The following BRAF variants were observed in gnomAD, a reference collection of about 807,000 sequenced individuals.
The protein encoded by BRAF is B-Raf proto-oncogene, serine/threonine kinase.
In BRAF, 16 loss-of-function variants were observed where a neutral mutation model predicts 104.6. That is an observed-to-expected ratio of 0.15 (90% CI 0.10 to 0.23). The LOEUF (loss-of-function observed/expected upper bound fraction) is 0.23, where lower values mean the gene tolerates loss of function less well. BRAF is among the 10% of genes least tolerant of loss of function. The probability of loss-of-function intolerance (pLI) is 1.00; values close to 1 mark genes in which losing one functional copy is unlikely to be tolerated. For missense variants in BRAF, 541 were observed against 937.3 expected (o/e 0.58, Z 5.52); for synonymous variants, 310 against 341.6 (o/e 0.91, Z 1.02).
rs1424858467 is a variant in BRAF, at chr7:140,720,249, A to G, written c.*6245T>C. 1.9e-6 allele frequency: 2 copies of G among 1,062,776 alleles called. No homozygotes were observed. The highest frequency in any genetic ancestry group is 1.1e-4 in the Admixed American group (2 of 18,650). 65.8% of individuals were successfully genotyped at this position (1,062,776 alleles called of 1,614,324 possible). On this transcript the variant is annotated 3_prime_UTR_variant, in exon 20 of 20. Transcript: ENST00000644969. ...CCACAAATACATATCACTGTGATAC[A>G]GTCCTCAAAAATCAGGCGATATCAT... is the stretch of plus-strand genomic sequence containing the variant.
At chr7:140,818,376 G>C (rs748873412) in intron 3 of BRAF, among the ~76,000 whole-genome samples, 1 of 150,118 alleles carries the variant, frequency 6.7e-6, no homozygotes, top group Non-Finnish European at 1.5e-5. Flanking sequence ...GCAGTGGCAC[G>C]ATATTGGCTC....
chr7:140,866,188 T>C (rs1810946676), intron 1 of BRAF, among the ~76,000 whole-genome samples: 1 of 152,192 alleles, frequency 6.6e-6, no homozygotes, highest in Non-Finnish European at 1.5e-5. Context: ...ATAGATGTAG[T>C]GTAGGTTCAG....
intron 1 of BRAF, among the ~76,000 whole-genome samples, chr7:140,887,813 A>C (rs1199398967): frequency 6.6e-6 from 1 of 152,132 alleles, no homozygotes; most frequent in African/African-American, 2.4e-5. Flanking sequence ...TTTTGGGTTC[A>C]AGCAATCCTC....
In BRAF at chr7:140,724,146, C is replaced by T; in HGVS notation, c.*2348G>A. 9.5e-7 allele frequency: 1 copy of T among 1,054,122 alleles called. No homozygotes were observed. Among genetic ancestry groups the T allele is most frequent in the Non-Finnish European group, 1.1e-6 (1 of 872,224 alleles). The allele number at this position is 1,054,122 out of a possible 1,614,324, so 65.3% of individuals were successfully genotyped here. On this transcript the variant is annotated 3_prime_UTR_variant, in exon 20 of 20. Coordinates refer to ENST00000644969, the MANE Select transcript of BRAF (RefSeq NM_001374258.1). Reference sequence around the variant, plus strand: ...ATGCAAGGGAAGAAAAAGTGTATCACCCTGAATATTGTTTAAGAAACTGAA... The same window carrying T: ...ATGCAAGGGAAGAAAAAGTGTATCATCCTGAATATTGTTTAAGAAACTGAA...
chr7:140,723,069 T>C lies in BRAF; in HGVS notation c.*3425A>G. ...AAATAAATAACTATTCATTACCTCA[T>C]TCTGAAGAGGTAGTTTTTTGTAGAG... On this transcript the variant is annotated 3_prime_UTR_variant, in exon 20 of 20. Transcript: ENST00000644969. 1 of 1,051,308 alleles carries C rather than the reference T, an allele frequency of 9.5e-7. No individual in the cohort carries two copies. Among genetic ancestry groups the C allele is most frequent in the Non-Finnish European group, 1.1e-6 (1 of 870,532 alleles). 65.1% of individuals were successfully genotyped at this position (1,051,308 alleles called of 1,614,324 possible).
At chr7:140,758,937 C>G (rs116175980) in intron 14 of BRAF, among the ~76,000 whole-genome samples, 1 of 152,198 alleles carries the variant, frequency 6.6e-6, no homozygotes, top group African/African-American at 2.4e-5. Context: ...AGTAACACCC[C>G]CTTTAGGCTT....
intron 18 of BRAF, 75 bp from the exon 18 acceptor site, chr7:140,734,845 C>G (rs1467660982): frequency 1.5e-6 from 2 of 1,374,050 alleles, no homozygotes; most frequent in African/African-American, 1.7e-5. Context: ...AAAGAAAAAA[C>G]AGAAAGAAGA....
rs1267467077 is a variant in BRAF, at chr7:140,885,882, C to T, written c.139-35670G>A. ...GTATGTGGGAGTAAGAGTATTCCAG[C>T]CATAGTAAACAATCATCAGTGGCAT... On this transcript the variant is annotated intron_variant, in intron 1 of 19. Coordinates refer to ENST00000644969, the MANE Select transcript of BRAF (RefSeq NM_001374258.1). 2.0e-5 allele frequency among the ~76,000 whole-genome samples: 3 copies of T among 152,204 alleles called. No homozygotes were observed. The East Asian group carries it at 5.8e-4, about 29-fold the overall frequency.
At chr7:140,882,522 C>T (rs1002311905) in intron 1 of BRAF, among the ~76,000 whole-genome samples, 5 of 151,956 alleles carry the variant, frequency 3.3e-5, no homozygotes, top group Admixed American at 1.3e-4. Context: ...GGACTACAGG[C>T]GCACGCCACC....
intron 1 of BRAF, among the ~76,000 whole-genome samples, chr7:140,866,555 A>C (rs1398106074): frequency 6.6e-6 from 1 of 152,206 alleles, no homozygotes; most frequent in East Asian, 1.9e-4. Flanking sequence ...AAATATTAAA[A>C]ATTCTATATT....
At chr7:140,790,079 T>C (rs569131788) in intron 8 of BRAF, among the ~76,000 whole-genome samples, 2 of 152,302 alleles carry the variant, frequency 1.3e-5, no homozygotes, top group East Asian at 1.9e-4. Context: ...TGGTCACTGA[T>C]AAAGCAGTCA....
At chr7:140,827,954 C>T (rs531917047) in intron 3 of BRAF, among the ~76,000 whole-genome samples, 26 of 152,060 alleles carry the variant, frequency 1.7e-4, no homozygotes, top group South Asian at 1.5e-3. Flanking sequence ...TGGAGTGCAA[C>T]GGCGCAATCT....
chr7:140,837,264 G>A (rs568358698), intron 2 of BRAF, among the ~76,000 whole-genome samples: 2 of 152,158 alleles, frequency 1.3e-5, no homozygotes, highest in African/African-American at 2.4e-5. Context: ...ACCCGGAGAA[G>A]CATCACAGTC....
chr7:140,904,672 G>A (rs570392981), intron 1 of BRAF, among the ~76,000 whole-genome samples: 61 of 152,214 alleles, frequency 4.0e-4, no homozygotes, highest in Admixed American at 2.0e-3. Flanking sequence ...GCAATGGCAC[G>A]ATCTCGGCTC....
chr7:140,777,871 G>A (rs1216077057), intron 13 of BRAF, 120 bp downstream of exon 12: 17 of 1,015,814 alleles, frequency 1.7e-5, no homozygotes, highest in Non-Finnish European at 2.4e-5. Context: ...GACATACTCT[G>A]TTTCTACAAA....
At chr7:140,879,857 A>T (rs190225868) in intron 1 of BRAF, among the ~76,000 whole-genome samples, 65 of 151,612 alleles carry the variant, frequency 4.3e-4, no homozygotes, top group Non-Finnish European at 8.7e-4. Flanking sequence ...TCAGCCTCCC[A>T]AGTAGCTGGG....
intron 1 of BRAF, among the ~76,000 whole-genome samples, chr7:140,875,850 T>C (rs1401766594): frequency 1.3e-5 from 2 of 152,224 alleles, no homozygotes; most frequent in South Asian, 2.1e-4. Context: ...CCAGTTAAAG[T>C]ATCTTTCAGA....
chr7:140,831,865 C>T (rs1386725315), intron 3 of BRAF, among the ~76,000 whole-genome samples: 2 of 152,176 alleles, frequency 1.3e-5, no homozygotes, highest in African/African-American at 2.4e-5. Context: ...GCAAGACCTT[C>T]GACTAATTAC....
intron 14 of BRAF, among the ~76,000 whole-genome samples, chr7:140,761,064 A>G (rs1431234467): frequency 1.3e-5 from 2 of 152,172 alleles, no homozygotes; most frequent in Non-Finnish European, 2.9e-5. Flanking sequence ...CCTTGAGAAG[A>G]GCAACTCCAA....
Sources: allele counts gnomAD v4.1 joint callset (sites outside exome capture counted in the v4.1 genomes callset), GRCh38; gene constraint gnomAD v4.1.1; transcripts MANE v1.5; gene names NCBI Gene and HGNC (gene_info 2026-07-23, HGNC 2026-07-21).